Variants in GULP1 observed in about 807,000 individuals in gnomAD.
GULP1 encodes the protein PTB domain-containing engulfment adapter protein 1.
GULP1 carries 19 observed loss-of-function variants against 40.9 expected under a neutral mutation model. That is an observed-to-expected ratio of 0.46 (90% CI 0.32 to 0.68). The LOEUF (loss-of-function observed/expected upper bound fraction) is 0.68. Among genes scored for constraint, GULP1 ranks in the 30% least tolerant of loss-of-function variants. The pLI, the probability that GULP1 is intolerant of heterozygous loss-of-function variation, is 0.03. For synonymous variants in GULP1, 119 were observed against 117.6 expected (o/e 1.01, Z -0.08); for missense variants, 312 against 362.2 (o/e 0.86, Z 1.12).
intron 2 of GULP1, among the ~76,000 whole-genome samples, chr2:188,446,151 T>G (rs1463451090): frequency 6.6e-6 from 1 of 152,142 alleles, no homozygotes; most frequent in Non-Finnish European, 1.5e-5. Context: ...TAGAAAGTCT[T>G]TTTTCATGCA....
chr2:188,445,953 A>C (rs1286350694), intron 2 of GULP1, among the ~76,000 whole-genome samples: 1 of 152,016 alleles, frequency 6.6e-6, no homozygotes, highest in African/African-American at 2.4e-5. Flanking sequence ...AGGTCTGTAA[A>C]CTCGTTTATG....
chr2:188,416,018 C>T (rs976635289), intron 2 of GULP1, among the ~76,000 whole-genome samples: 2 of 151,980 alleles, frequency 1.3e-5, no homozygotes, highest in African/African-American at 4.8e-5. Flanking sequence ...TATTTTTAAC[C>T]AATGAAAAGA....
intron 7 of GULP1, among the ~76,000 whole-genome samples, chr2:188,559,245 T>C (rs1576088025): frequency 6.6e-6 from 1 of 152,050 alleles, no homozygotes; most frequent in Non-Finnish European, 1.5e-5. Context: ...TCCCAGTTAC[T>C]CCAGCCATGG....
intron 2 of GULP1, among the ~76,000 whole-genome samples, chr2:188,466,284 T>G (rs1271962551): frequency 6.9e-6 from 1 of 143,942 alleles, no homozygotes; most frequent in Non-Finnish European, 1.5e-5. Flanking sequence ...CAGTGGCTGG[T>G]TTTTTTTTCC....
At chr2:188,575,359 T>G (rs770151497) in intron 9 of GULP1, among the ~76,000 whole-genome samples, 2 of 152,222 alleles carry the variant, frequency 1.3e-5, no homozygotes, top group Non-Finnish European at 2.9e-5. Context: ...GCTCTTTGGT[T>G]TTTACAGTTT....
At chr2:188,331,192 G>T (rs2041527705) in intron 1 of GULP1, among the ~76,000 whole-genome samples, 2 of 152,018 alleles carry the variant, frequency 1.3e-5, no homozygotes, top group Admixed American at 1.3e-4. Context: ...AGAGTCTTAG[G>T]ATCTTACAGT....
chr2:188,367,912 G>A (rs2047013417), intron 1 of GULP1, among the ~76,000 whole-genome samples: 1 of 152,108 alleles, frequency 6.6e-6, no homozygotes, highest in Admixed American at 6.5e-5. Context: ...GTGAAGCTTG[G>A]AAAATAAGGA....
At chr2:188,558,603 TG>T (rs1315379001) in intron 7 of GULP1, among the ~76,000 whole-genome samples, 2 of 151,632 alleles carry the variant, frequency 1.3e-5, no homozygotes, top group Non-Finnish European at 2.9e-5. Context: ...AGGCAGAGGG[TG>T]GAACAGTTTG....
At position 188,317,557 on chromosome 2, in the gene GULP1, T is replaced by A. The variant is rs1402153616; in HGVS notation, c.-172+25391T>A. Among the ~76,000 whole-genome samples, 7 of 152,220 alleles carry A rather than the reference T, an allele frequency of 4.6e-5. No individual in the cohort carries two copies. The East Asian group carries it at 1.4e-3, about 29-fold the overall frequency. ...ATTGTTTTATTTTTCCAGATTATGG[T>A]GCAGTCTGTCAAATGTTTATGTATT... On this transcript the variant is annotated intron_variant, in intron 1 of 11. Coordinates refer to ENST00000409830, the MANE Select transcript of GULP1 (RefSeq NM_016315.4).
At chr2:188,300,858 A>C (rs545708550) in intron 1 of GULP1, among the ~76,000 whole-genome samples, 1 of 152,294 alleles carries the variant, frequency 6.6e-6, no homozygotes, top group East Asian at 1.9e-4. Context: ...TTTGTACTTG[A>C]AAATTGACAA....
At chr2:188,497,814 TA>T (rs1288135920) in intron 4 of GULP1, among the ~76,000 whole-genome samples, 4 of 151,822 alleles carry the variant, frequency 2.6e-5, no homozygotes, top group African/African-American at 9.7e-5. Flanking sequence ...TGTTATGGTA[TA>T]CAAAAGAATA....
intron 1 of GULP1, among the ~76,000 whole-genome samples, chr2:188,307,457 A>G (rs1055073929): frequency 1.3e-5 from 2 of 152,034 alleles, no homozygotes; most frequent in African/African-American, 4.8e-5. Flanking sequence ...TTTTACAAAT[A>G]AAATATGGTA....
chr2:188,526,414 A>C (rs1274318328), intron 5 of GULP1, among the ~76,000 whole-genome samples: 2 of 152,130 alleles, frequency 1.3e-5, no homozygotes, highest in Admixed American at 1.3e-4. Context: ...ACAAAAAAAG[A>C]CTCTTCAAGC....
At chr2:188,341,999 T>C (rs1243660409) in intron 1 of GULP1, among the ~76,000 whole-genome samples, 2 of 152,242 alleles carry the variant, frequency 1.3e-5, no homozygotes, top group African/African-American at 4.8e-5. Context: ...TTTAGTGTGC[T>C]ATATGAGCAG....
chr2:188,374,085 A>G (rs2047979758), intron 1 of GULP1, among the ~76,000 whole-genome samples: 1 of 152,124 alleles, frequency 6.6e-6, no homozygotes, highest in African/African-American at 2.4e-5. Flanking sequence ...TACTTGAAGT[A>G]TATATAATTC....
At chr2:188,332,851 T>G (rs922343114) in intron 1 of GULP1, among the ~76,000 whole-genome samples, 1 of 152,074 alleles carries the variant, frequency 6.6e-6, no homozygotes, top group Non-Finnish European at 1.5e-5. Context: ...TGAGGTAACT[T>G]TGGGTGGAAA....
At chr2:188,496,774 G>A (rs2062935950) in intron 4 of GULP1, among the ~76,000 whole-genome samples, 1 of 151,934 alleles carries the variant, frequency 6.6e-6, no homozygotes, top group Non-Finnish European at 1.5e-5. Flanking sequence ...AGCCTGATGG[G>A]AGGTTATTAG....
At chr2:188,418,756 A>G (rs2054937728) in intron 2 of GULP1, among the ~76,000 whole-genome samples, 1 of 152,256 alleles carries the variant, frequency 6.6e-6, no homozygotes, top group African/African-American at 2.4e-5. Flanking sequence ...CTACCTTTTT[A>G]GTAAACTTTT....
chr2:188,413,483 CCTTTTT>C (rs2054180044), intron 2 of GULP1, among the ~76,000 whole-genome samples: 1 of 152,090 alleles, frequency 6.6e-6, no homozygotes, highest in Admixed American at 6.5e-5. Context: ...GCATAAATGT[CCTTTTT>C]TGAAAAGTGT....
Sources: gnomAD v4.1 joint callset for allele counts (sites outside exome capture counted in the v4.1 genomes callset) on GRCh38, gnomAD v4.1.1 for gene constraint, MANE v1.5 for transcripts, NCBI Gene and HGNC (gene_info 2026-07-23, HGNC 2026-07-21) for gene names.